Variants in ELOVL6 observed in about 807,000 individuals in gnomAD.
The protein encoded by ELOVL6 is very long chain fatty acid elongase 6.
A neutral mutation model predicts 31.7 loss-of-function variants in ELOVL6; 8 were observed. The ratio of observed to expected loss-of-function variants is 0.25; its 90% CI spans 0.15 to 0.45. The LOEUF is 0.45. Among genes scored for constraint, ELOVL6 ranks in the 20% least tolerant of loss-of-function variants. ELOVL6 has a pLI of 1.00. For synonymous variants in ELOVL6, 101 were observed against 117.7 expected, an observed-to-expected ratio of 0.86 and a Z score of 0.92; for missense variants, 126 against 326.4, an observed-to-expected ratio of 0.39 and a Z score of 4.73.
At chr4:110,124,881 A>AG (rs1002487737) in intron 1 of ELOVL6, among the ~76,000 whole-genome samples, 1 of 152,106 alleles carries the variant, frequency 6.6e-6, no homozygotes, top group Non-Finnish European at 1.5e-5. Context: ...AACTGTTTTT[A>AG]GGTCCAAGTT....
At chr4:110,083,996 A>G (rs13119257) in intron 2 of ELOVL6, among the ~76,000 whole-genome samples, 10 of 11,050 alleles carry the variant, frequency 9.0e-4, no homozygotes, top group Non-Finnish European at 1.2e-3. Context: ...ACGATATATA[A>G]CATATGCCAT....
At chr4:110,173,332 T>C (rs1244878870) in intron 1 of ELOVL6, among the ~76,000 whole-genome samples, 1 of 152,104 alleles carries the variant, frequency 6.6e-6, no homozygotes, top group African/African-American at 2.4e-5. Flanking sequence ...TGGCAATAAC[T>C]GTTCCAAGTT....
intron 3 of ELOVL6, among the ~76,000 whole-genome samples, chr4:110,058,314 C>G (rs75696346): frequency 6.6e-6 from 1 of 152,194 alleles, no homozygotes. Flanking sequence ...CAGGCATGCA[C>G]ATGCACGCGG....
chr4:110,195,095 A>C (rs1417557356), intron 1 of ELOVL6, among the ~76,000 whole-genome samples: 2 of 152,176 alleles, frequency 1.3e-5, no homozygotes, highest in African/African-American at 4.8e-5. Context: ...TTGGTTATGG[A>C]GTTCCCTTCT....
At chr4:110,123,180 T>C (rs77469105) in intron 1 of ELOVL6, among the ~76,000 whole-genome samples, 5,515 of 152,314 alleles carry the variant, frequency 0.036, 301 homozygotes, top group African/African-American at 0.12. Context: ...AAATACATTA[T>C]TGAAGACTAA....
chr4:110,084,413 A>AT lies in ELOVL6; in HGVS notation c.221+21083_221+21084insA, dbSNP rs1491586912. On this transcript the variant is annotated intron_variant, in intron 2 of 3. Coordinates refer to ENST00000302274, the MANE Select transcript of ELOVL6 (RefSeq NM_024090.3). ...ATATATGATATATGATATATGACATACATGATATATCACATATATCATATA... is the reference window on the plus strand; with the variant it reads ...ATATATGATATATGATATATGACATATCATGATATATCACATATATCATATA... Among the ~76,000 whole-genome samples the AT allele has an allele frequency of 1.0e-3, 90 of 88,250 alleles. 8 individuals are homozygous for AT. Among genetic ancestry groups the AT allele is most frequent in the East Asian group, 7.6e-3 (31 of 4,066 alleles). The allele number at this position is 88,250 out of a possible 152,430, so 57.9% of individuals were successfully genotyped here.
intron 2 of ELOVL6, among the ~76,000 whole-genome samples, chr4:110,065,410 T>C (rs1755272317): frequency 6.6e-6 from 1 of 152,190 alleles, no homozygotes; most frequent in Non-Finnish European, 1.5e-5. Context: ...GTGGCTCACT[T>C]AAGCCCAACA....
chr4:110,166,949 A>C (rs1454708695), intron 1 of ELOVL6, among the ~76,000 whole-genome samples: 1 of 152,176 alleles, frequency 6.6e-6, no homozygotes, highest in Non-Finnish European at 1.5e-5. Flanking sequence ...TGCCTTCCTA[A>C]ACAGACTGTG....
chr4:110,143,517 T>G (rs1758023132), intron 1 of ELOVL6, among the ~76,000 whole-genome samples: 1 of 152,200 alleles, frequency 6.6e-6, no homozygotes, highest in South Asian at 2.1e-4. Flanking sequence ...TTTCTTATCT[T>G]ATATTTCTTA....
At chr4:110,133,590 A>G (rs1412863175) in intron 1 of ELOVL6, among the ~76,000 whole-genome samples, 1 of 152,146 alleles carries the variant, frequency 6.6e-6, no homozygotes, top group African/African-American at 2.4e-5. Context: ...GGACAGGGAA[A>G]AAGGGAAGAA....
intron 1 of ELOVL6, among the ~76,000 whole-genome samples, chr4:110,132,043 C>T (rs1227691503): frequency 6.6e-6 from 1 of 152,066 alleles, no homozygotes; most frequent in Non-Finnish European, 1.5e-5. Context: ...GGTTGAAGGA[C>T]CTGGACTCCT....
intron 1 of ELOVL6, among the ~76,000 whole-genome samples, chr4:110,116,259 G>A (rs1343835536): frequency 6.6e-6 from 1 of 152,204 alleles, no homozygotes; most frequent in Non-Finnish European, 1.5e-5. Context: ...TGTTTACCAT[G>A]TGGATTAAAC....
Position 110,086,483 on chromosome 4 carries a change from G to A in ELOVL6, c.221+19014C>T, listed in dbSNP as rs111317780. Among the ~76,000 whole-genome samples the A allele has an allele frequency of 8.5e-4, 129 of 152,232 alleles. 1 individual carries two copies. In the East Asian group the frequency reaches 0.013, roughly 15 times the overall value. ...CAAAGCTAGTGTTCCAACTTGTTTC[G>A]TACATTTATAATATTGCCACATGAG... On this transcript the variant is annotated intron_variant, in intron 2 of 3. Transcript: ENST00000302274.
intron 1 of ELOVL6, among the ~76,000 whole-genome samples, chr4:110,121,996 C>T (rs541434079): frequency 7.9e-5 from 12 of 152,146 alleles, no homozygotes; most frequent in African/African-American, 2.4e-4. Flanking sequence ...TACTGGCAGC[C>T]GTATACCCTT....
At chr4:110,161,256 A>T (rs12639643) in intron 1 of ELOVL6, among the ~76,000 whole-genome samples, 2 of 152,252 alleles carry the variant, frequency 1.3e-5, no homozygotes, top group African/African-American at 2.4e-5. Flanking sequence ...TTCAAGATGC[A>T]CTGTTAAGTC....
At chr4:110,084,134 A>ATATATAACATGT (rs1372065552) in intron 2 of ELOVL6, among the ~76,000 whole-genome samples, 2 of 45,952 alleles carry the variant, frequency 4.4e-5, no homozygotes, top group Non-Finnish European at 6.5e-5. Context: ...TATATGTGAT[A>ATATATAACATGT]ATGATATATA....
chr4:110,091,077 T>C (rs1756415041), intron 2 of ELOVL6, among the ~76,000 whole-genome samples: 1 of 152,200 alleles, frequency 6.6e-6, no homozygotes, highest in African/African-American at 2.4e-5. Flanking sequence ...GCCAACTTAA[T>C]AAATACATGA....
At chr4:110,053,878 G>T (rs558917346) in intron 3 of ELOVL6, among the ~76,000 whole-genome samples, 50 of 152,056 alleles carry the variant, frequency 3.3e-4, no homozygotes, top group Admixed American at 3.0e-3. Context: ...GGTGGAGTTT[G>T]CAGTGAGCCG....
At chr4:110,121,630 C>G (rs1240026286) in intron 1 of ELOVL6, among the ~76,000 whole-genome samples, 1 of 152,064 alleles carries the variant, frequency 6.6e-6, no homozygotes, top group African/African-American at 2.4e-5. Context: ...ACCCAGGAGG[C>G]GGAGGTTGCA....
Sources: allele counts gnomAD v4.1 joint callset (sites outside exome capture counted in the v4.1 genomes callset), GRCh38; gene constraint gnomAD v4.1.1; transcripts MANE v1.5; gene names NCBI Gene and HGNC (gene_info 2026-07-23, HGNC 2026-07-21).